The following USH2A variants were observed in gnomAD, a reference collection of about 807,000 sequenced individuals.
USH2A encodes the protein Usher syndrome 2A (autosomal recessive, mild).
USH2A carries 443 observed loss-of-function variants against 538.9 expected under a neutral mutation model. That is an observed-to-expected ratio of 0.82 (90% CI 0.76 to 0.89). The LOEUF (loss-of-function observed/expected upper bound fraction) is 0.89. Among genes scored for constraint, USH2A ranks in the 40% least tolerant of loss-of-function variants. USH2A has a pLI of 0.00. For synonymous variants in USH2A, 2,413 were observed against 2,273.5 expected (o/e 1.06, Z -1.75); for missense variants, 6,633 against 6,324.8 (o/e 1.05, Z -1.65).
Position 216,000,487 on chromosome 1 carries a change from A to G in USH2A, c.6401T>C (p.Val2134Ala). The G allele has an allele frequency of 6.2e-7, 1 of 1,613,704 alleles. No homozygotes were observed. Among genetic ancestry groups the G allele is most frequent in the Non-Finnish European group, 8.5e-7 (1 of 1,179,724 alleles). The change falls in exon 33 of 72, where the codon GTC (valine) becomes GCC (alanine). Residue 2134 changes from valine (V) to alanine (A), a missense_variant. Physicochemically the swap from Val to Ala is moderately conservative, Grantham distance 64 (BLOSUM62 0). Transcript: ENST00000307340. ...TGGCAGCTGTGCTGTGTACAGTAGG[A>G]CCCAGGAACTGTTTGTACAGCCCAC... ...THVGCTNSSW[V>A]LLYTAQLPPE...
intron 4 of USH2A, among the ~76,000 whole-genome samples, chr1:216,341,907 A>C (rs915888214): frequency 6.6e-6 from 1 of 152,220 alleles, no homozygotes; most frequent in African/African-American, 2.4e-5. Flanking sequence ...AAGAAAACCT[A>C]GGCGATACCA....
At chr1:215,671,343 A>C (rs952337582) in intron 63 of USH2A, 50 bp from the exon 64 acceptor site, 18 of 1,585,168 alleles carry the variant, frequency 1.1e-5, no homozygotes, top group Non-Finnish European at 1.4e-5. Context: ...ATAGATTTTC[A>C]TGGGAAGAAT....
At chr1:216,187,030 C>T (rs2034619388) in intron 20 of USH2A, among the ~76,000 whole-genome samples, 1 of 152,082 alleles carries the variant, frequency 6.6e-6, no homozygotes, top group Admixed American at 6.6e-5. Context: ...GCTTTCATTA[C>T]ATCAGTACTT....
intron 14 of USH2A, among the ~76,000 whole-genome samples, chr1:216,223,556 C>A (rs375284878): frequency 6.6e-6 from 1 of 152,276 alleles, no homozygotes; most frequent in South Asian, 2.1e-4. Flanking sequence ...AACATCCTGA[C>A]GGTTCGGGCC....
At chr1:215,828,668 C>T (rs558663246) in intron 47 of USH2A, among the ~76,000 whole-genome samples, 1 of 152,198 alleles carries the variant, frequency 6.6e-6, no homozygotes, top group Admixed American at 6.5e-5. Flanking sequence ...AATAACACAT[C>T]CCCAAACTGA....
chr1:216,185,862 G>A (rs189610505), intron 20 of USH2A, among the ~76,000 whole-genome samples: 9 of 151,798 alleles, frequency 5.9e-5, no homozygotes, highest in African/African-American at 2.2e-4. Context: ...AAGGAAGGAG[G>A]CAAAAAGAAT....
At chr1:216,042,823 G>A (rs1022790890) in intron 32 of USH2A, among the ~76,000 whole-genome samples, 22 of 152,034 alleles carry the variant, frequency 1.4e-4, no homozygotes, top group African/African-American at 4.6e-4. Context: ...GGTCGTAAGA[G>A]TGGGAACCTC....
chr1:216,318,395 G>A (rs1470405195), intron 9 of USH2A, among the ~76,000 whole-genome samples: 5 of 152,158 alleles, frequency 3.3e-5, no homozygotes, highest in African/African-American at 4.8e-5. Flanking sequence ...TCAAATTACC[G>A]TAAGACGACT....
intron 61 of USH2A, among the ~76,000 whole-genome samples, chr1:215,713,818 A>T (rs1659407999): frequency 6.6e-6 from 1 of 152,236 alleles, no homozygotes; most frequent in African/African-American, 2.4e-5. Flanking sequence ...TTAGCTTTTC[A>T]TAAATAACAT....
At chr1:215,845,065 A>T (rs1469027170) in intron 45 of USH2A, among the ~76,000 whole-genome samples, 1 of 152,200 alleles carries the variant, frequency 6.6e-6, no homozygotes, top group Non-Finnish European at 1.5e-5. Flanking sequence ...TTAGCGTTAA[A>T]TTGCATAATT....
At chr1:216,133,303 C>G (rs2033414778) in intron 21 of USH2A, among the ~76,000 whole-genome samples, 1 of 151,964 alleles carries the variant, frequency 6.6e-6, no homozygotes. Context: ...TGGGCAGGAC[C>G]AATAGGCTAG....
intron 32 of USH2A, among the ~76,000 whole-genome samples, chr1:216,043,660 T>C (rs1266020688): frequency 6.6e-6 from 1 of 152,084 alleles, no homozygotes; most frequent in African/African-American, 2.4e-5. Context: ...ACAAACAAAA[T>C]ACAGAATTCA....
At chr1:215,844,242 T>C (rs1663775690) in intron 46 of USH2A, 52 bp downstream of exon 46, 1 of 1,563,186 alleles carries the variant, frequency 6.4e-7, no homozygotes, top group Middle Eastern at 2.1e-4. Context: ...TAGCCTGGCA[T>C]GTTTTATTTA....
intron 68 of USH2A, among the ~76,000 whole-genome samples, chr1:215,639,549 T>A (rs1023590847): frequency 6.6e-6 from 1 of 152,192 alleles, no homozygotes; most frequent in African/African-American, 2.4e-5. Context: ...ACGGTTTAAA[T>A]CCTTCCTTTA....
chr1:216,010,364 C>T (rs1186667527), intron 32 of USH2A, among the ~76,000 whole-genome samples: 3 of 152,144 alleles, frequency 2.0e-5, no homozygotes, highest in African/African-American at 7.2e-5. Flanking sequence ...GTGCCGGACC[C>T]CACTGGAAAT....
intron 64 of USH2A, among the ~76,000 whole-genome samples, chr1:215,655,129 C>T (rs1657200529): frequency 6.6e-6 from 1 of 152,192 alleles, no homozygotes; most frequent in African/African-American, 2.4e-5. Flanking sequence ...GGACTCTGCC[C>T]TTTCAACATA....
intron 3 of USH2A, among the ~76,000 whole-genome samples, chr1:216,378,029 C>T (rs2038868281): frequency 6.6e-6 from 1 of 151,716 alleles, no homozygotes; most frequent in Non-Finnish European, 1.5e-5. Context: ...CAAAGCCTGG[C>T]TTAGCTTGCC....
Position 215,836,802 on chromosome 1 carries a change from C to T in USH2A, c.9371+1189G>A, listed in dbSNP as rs376616431. On this transcript the variant is annotated intron_variant, in intron 47 of 71. Transcript: ENST00000307340. ...CGATCTCCTGAGCTTGTGATCCGCC[C>T]GCCTCGGCCTCCCAAAGTGCTGGGA... 5.3e-5 allele frequency among the ~76,000 whole-genome samples: 8 copies of T among 150,248 alleles called. No homozygotes were observed. The South Asian group carries it at 6.3e-4, about 12-fold the overall frequency.
intron 32 of USH2A, among the ~76,000 whole-genome samples, chr1:216,011,534 A>C (rs984397392): frequency 1.3e-5 from 2 of 152,092 alleles, no homozygotes; most frequent in Non-Finnish European, 2.9e-5. Flanking sequence ...CTTCATAGGC[A>C]TGGTTAGTGC....
Sources: gnomAD v4.1 joint callset for allele counts (sites outside exome capture counted in the v4.1 genomes callset) on GRCh38, gnomAD v4.1.1 for gene constraint, MANE v1.5 for transcripts, NCBI Gene and HGNC (gene_info 2026-07-23, HGNC 2026-07-21) for gene names.